The following CNKSR1 variants were observed in gnomAD, a reference collection of about 807,000 sequenced individuals.
CNKSR1 encodes the protein connector enhancer of kinase suppressor of Ras 1, also known as CNK homolog protein 1.
CNKSR1 carries 88 observed loss-of-function variants against 95.6 expected under a neutral mutation model. The observed-to-expected ratio is 0.92, with a 90% confidence interval of 0.78 to 1.10. The LOEUF (loss-of-function observed/expected upper bound fraction) is 1.10. CNKSR1 is among the 50% of genes least tolerant of loss of function. The pLI, the probability that CNKSR1 is intolerant of heterozygous loss-of-function variation, is 0.00. For missense variants in CNKSR1, 836 were observed against 912.0 expected (o/e 0.92, Z 1.07); for synonymous variants, 355 against 369.7 (o/e 0.96, Z 0.46).
chr1:26,178,110 A>G (rs964162894), intron 1 of CNKSR1, among the ~76,000 whole-genome samples: 4 of 152,220 alleles, frequency 2.6e-5, no homozygotes, highest in African/African-American at 9.6e-5. Flanking sequence ...AGGACCCAGA[A>G]GGGGGCCCCT....
intron 1 of CNKSR1, among the ~76,000 whole-genome samples, chr1:26,179,934 G>C (rs182543236): frequency 1.3e-5 from 2 of 152,064 alleles, no homozygotes; most frequent in Non-Finnish European, 2.9e-5. Flanking sequence ...CCAGGAGTTC[G>C]AGACTAGCCT....
chr1:26,177,614 G>C lies in CNKSR1; in HGVS notation c.52+15G>C. On this transcript the variant is annotated intron_variant, in intron 1 of 20. Coordinates refer to ENST00000361530, the MANE Select transcript of CNKSR1 (RefSeq NM_006314.3). The stretch of plus-strand genomic sequence containing the variant: ...TTGGCTGAGAGGTGGGTGGGGCTGG[G>C]GTAGAGTTGGGCTTGAAGGGGACTA... The C allele has an allele frequency of 6.2e-7, 1 of 1,613,966 alleles. No homozygotes were observed. The highest frequency in any genetic ancestry group is 1.1e-5 in the South Asian group (1 of 91,058).
rs765837063 is a variant in CNKSR1, at chr1:26,187,448, A to G, written c.1420A>G (p.Ile474Val). Reference protein sequence around the residue: ...QLTHDVYKPFIFAADTLTDLS... With the variant: ...QLTHDVYKPFVFAADTLTDLS... Reference sequence around the variant, plus strand: ...CACCCATGATGTGTACAAACCCTTCATCTTCGCTGCTGATACCCTGACAGA... The same window carrying G: ...CACCCATGATGTGTACAAACCCTTCGTCTTCGCTGCTGATACCCTGACAGA... Residue 474 changes from isoleucine (I) to valine (V), a missense_variant, in exon 16 of 21, where the codon ATC becomes GTC. Transcript: ENST00000361530. 6.8e-6 allele frequency: 11 copies of G among 1,613,980 alleles called. No homozygotes were observed. The South Asian group carries it at 9.9e-5, about 15-fold the overall frequency.
intron 16 of CNKSR1, 95 bp downstream of exon 16, chr1:26,187,577 A>G: frequency 8.3e-7 from 1 of 1,211,740 alleles, no homozygotes; most frequent in Non-Finnish European, 1.2e-6. Flanking sequence ...TACAAATTCC[A>G]GCTCTCTGAG....
At chr1:26,181,012 G>C in intron 3 of CNKSR1, 116 bp downstream of exon 3, 1 of 1,320,556 alleles carries the variant, frequency 7.6e-7, no homozygotes, top group Non-Finnish European at 1.1e-6. Flanking sequence ...AGGCGTGGTG[G>C]CTTAGGTCTG....
chr1:26,180,117 A>G, intron 1 of CNKSR1: 1 of 372,138 alleles, frequency 2.7e-6, no homozygotes, highest in Non-Finnish European at 5.1e-6. Context: ...TCTCAAAAAG[A>G]AAAAACAAAA....
intron 13 of CNKSR1, 68 bp from the exon 14 acceptor site, chr1:26,184,946 C>CA: frequency 6.8e-7 from 1 of 1,463,502 alleles, no homozygotes; most frequent in Non-Finnish European, 9.2e-7. Flanking sequence ...TTGTGGAAGG[C>CA]AGGGAGTAGG....
Position 26,184,067 on chromosome 1 carries a change from C to G in CNKSR1, c.856-4C>G. ...CCATTGCTTTGTTCCTGGTTGTTCC[C>G]CAGACGCCCCCTCAGGTCCTGGACT... On this transcript the variant is annotated splice_polypyrimidine_tract_variant and splice_region_variant and intron_variant, in intron 9 of 20. Coordinates refer to ENST00000361530, the MANE Select transcript of CNKSR1 (RefSeq NM_006314.3). 6.2e-7 allele frequency: 1 copy of G among 1,610,244 alleles called. No homozygotes were observed. The highest frequency in any genetic ancestry group is 8.5e-7 in the Non-Finnish European group (1 of 1,178,808).
At chr1:26,179,135 T>A (rs2088606299) in intron 1 of CNKSR1, among the ~76,000 whole-genome samples, 1 of 152,234 alleles carries the variant, frequency 6.6e-6, no homozygotes, top group African/African-American at 2.4e-5. Context: ...AAGCCCTCAA[T>A]AGACACTTTT....
intron 16 of CNKSR1, 136 bp downstream of exon 16, chr1:26,187,618 C>CT (rs2088778722): frequency 1.6e-6 from 1 of 614,934 alleles, no homozygotes; most frequent in South Asian, 1.8e-5. Context: ...ACTTCTCTTT[C>CT]TCTTTTTTTT....
chr1:26,189,745 C>A lies in CNKSR1; in HGVS notation c.*197C>A. 1.4e-6 allele frequency: 1 copy of A among 700,672 alleles called. No individual in the cohort carries two copies. The highest frequency in any genetic ancestry group is 2.6e-6 in the Non-Finnish European group (1 of 385,058). The allele number at this position is 700,672 out of a possible 1,614,324, so 43.4% of individuals were successfully genotyped here. A position where few individuals can be genotyped will look rare whatever the true frequency, so the allele number is the denominator to read the frequency against. ...CCCTTGCCAAAGAAGAAACTCTCCC[C>A]CCAAATCCTCCAACCTCTGGGGCCA... On this transcript the variant is annotated 3_prime_UTR_variant, in exon 21 of 21. Coordinates refer to ENST00000361530, the MANE Select transcript of CNKSR1 (RefSeq NM_006314.3).
chr1:26,177,535 GC>G lies in CNKSR1; in HGVS notation c.-12del. ...GCAAAACAGGAGCTGATTCGAGCTG[GC>G]AGAGCTGGGCCATGGAACCGGTAGA... On this transcript the variant is annotated 5_prime_UTR_variant, in exon 1 of 21. Transcript: ENST00000361530. 1 of 1,614,028 alleles carries G rather than the reference GC, an allele frequency of 6.2e-7. No individual in the cohort carries two copies. The highest frequency in any genetic ancestry group is 8.5e-7 in the Non-Finnish European group (1 of 1,179,992).
At chr1:26,188,538 A>T (rs774866857) in intron 18 of CNKSR1, 35 bp downstream of exon 18, 3 of 1,607,964 alleles carry the variant, frequency 1.9e-6, no homozygotes, top group Non-Finnish European at 1.7e-6. Flanking sequence ...GGAGGTGGGG[A>T]TAAACAACAG....
At chr1:26,187,544 G>A (rs2088777627) in intron 16 of CNKSR1, 62 bp downstream of exon 16, 13 of 1,534,820 alleles carry the variant, frequency 8.5e-6, no homozygotes, top group Non-Finnish European at 1.2e-5. Flanking sequence ...GAGCTTGGGA[G>A]CCTAGGCTCA....
Position 26,182,180 on chromosome 1 carries a change from G to A in CNKSR1, c.478-181G>A, listed in dbSNP as rs1310078396. ...AGGGCACGTGTGGTGACTTCTGGGG[G>A]CCTGGTATCAGGGAAACGAGCCCTC... On this transcript the variant is annotated intron_variant, in intron 4 of 20. Coordinates refer to ENST00000361530, the MANE Select transcript of CNKSR1 (RefSeq NM_006314.3). 1.1e-5 allele frequency: 8 copies of A among 718,020 alleles called. No individual in the cohort carries two copies. The East Asian group carries it at 1.9e-4, about 17-fold the overall frequency. 44.5% of individuals were successfully genotyped at this position (718,020 alleles called of 1,614,324 possible).
Position 26,188,952 on chromosome 1 carries a change from A to G in CNKSR1, c.1871A>G (p.Lys624Arg), listed in dbSNP as rs1377811899. The G allele has an allele frequency of 6.2e-7, 1 of 1,612,754 alleles. No homozygotes were observed. Among genetic ancestry groups the G allele is most frequent in the African/African-American group, 1.3e-5 (1 of 74,832 alleles). The change falls in exon 20 of 21, where the codon AAG becomes AGG. Residue 624 changes from lysine to arginine, a missense_variant and splice_region_variant. Transcript: ENST00000361530. ...HRVRALQSTL[K>R]AKLQELQVLE... ...GTGCGGGCGCTACAGAGCACACTCA[A>G]GGTCAGCTGGGGGGCTCTGGGCACA...
In CNKSR1 at chr1:26,189,645, A is replaced by G. The variant is rs942570954; in HGVS notation, c.*97A>G. On this transcript the variant is annotated 3_prime_UTR_variant, in exon 21 of 21. Coordinates refer to ENST00000361530, the MANE Select transcript of CNKSR1 (RefSeq NM_006314.3). ...GACAGAGCATCCCTGGATTCTGTTCAGGGTGGGAAGTAGTACTGCTAGTCA... is the reference window on the plus strand; with the variant it reads ...GACAGAGCATCCCTGGATTCTGTTCGGGGTGGGAAGTAGTACTGCTAGTCA... 6 of 800,652 alleles carry G rather than the reference A, an allele frequency of 7.5e-6. No individual in the cohort carries two copies. In the Admixed American group the frequency reaches 8.5e-5, roughly 11 times the overall value. 49.6% of individuals were successfully genotyped at this position (800,652 alleles called of 1,614,324 possible).
chr1:26,188,189 GC>G, intron 16 of CNKSR1, 44 bp from the exon 17 acceptor site: 1 of 1,542,362 alleles, frequency 6.5e-7, no homozygotes, highest in Admixed American at 1.7e-5. Flanking sequence ...ATACAAGAGG[GC>G]CCCAGTGGAT....
Position 26,180,444 on chromosome 1 carries a change from T to A in CNKSR1, c.53-9T>A, listed in dbSNP as rs2088627146. ...TGCTTCCCCGAGCTGAGCCTTACTC[T>A]CCCTCCAGGTCTTGACGACTCCCTG... On this transcript the variant is annotated splice_polypyrimidine_tract_variant and intron_variant, in intron 1 of 20. Transcript: ENST00000361530. 2 of 1,613,490 alleles carry A rather than the reference T, an allele frequency of 1.2e-6. No homozygotes were observed. The highest frequency in any genetic ancestry group is 1.7e-6 in the Non-Finnish European group (2 of 1,180,040).
Sources: allele counts gnomAD v4.1 joint callset (sites outside exome capture counted in the v4.1 genomes callset), GRCh38; gene constraint gnomAD v4.1.1; transcripts MANE v1.5; gene names NCBI Gene and HGNC (gene_info 2026-07-23, HGNC 2026-07-21).